ETHE1: variants seen among roughly 807,000 people sequenced by gnomAD.
ETHE1 encodes ETHE1 persulfide dioxygenase.
ETHE1 carries 16 observed loss-of-function variants against 25.7 expected under a neutral mutation model. That is an observed-to-expected ratio of 0.62 (90% CI 0.42 to 0.95). The LOEUF (loss-of-function observed/expected upper bound fraction) is 0.95, where lower values mean the gene tolerates loss of function less well. ETHE1 is among the 40% of genes least tolerant of loss of function. The probability of loss-of-function intolerance (pLI) is 0.00; values close to 1 mark genes in which losing one functional copy is unlikely to be tolerated. For missense variants in ETHE1, 300 were observed against 333.6 expected, an observed-to-expected ratio of 0.90 and a Z score of 0.79; for synonymous variants, 139 against 135.9, an observed-to-expected ratio of 1.02 and a Z score of -0.16.
intron 3 of ETHE1, among the ~76,000 whole-genome samples, chr19:43,518,909 C>T (rs554667110): frequency 5.3e-5 from 8 of 151,098 alleles, no homozygotes; most frequent in Non-Finnish European, 1.2e-4. Flanking sequence ...TCGCATTCCC[C>T]AAAAACATTT....
intron 3 of ETHE1, among the ~76,000 whole-genome samples, chr19:43,521,085 C>A (rs1338512074): frequency 6.6e-6 from 1 of 152,118 alleles, no homozygotes; most frequent in African/African-American, 2.4e-5. Flanking sequence ...GTAATCCCTG[C>A]ATTTTGGGAG....
In ETHE1 at chr19:43,526,686, C is replaced by T. The variant is rs1347241313; in HGVS notation, c.82-27G>A. 2.5e-6 allele frequency: 4 copies of T among 1,612,414 alleles called. No homozygotes were observed. In the East Asian group the frequency reaches 8.9e-5, roughly 36 times the overall value. On this transcript the variant is annotated intron_variant, in intron 1 of 6. Coordinates refer to ENST00000292147, the MANE Select transcript of ETHE1 (RefSeq NM_014297.5). ...TGGGAACGGGGGACCCAGGTGAGGG[C>T]GCAGAACCGGACTTCCACCCACTGG...
intron 3 of ETHE1, among the ~76,000 whole-genome samples, chr19:43,523,261 C>T (rs980468616): frequency 2.0e-5 from 3 of 152,016 alleles, no homozygotes; most frequent in African/African-American, 7.2e-5. Flanking sequence ...ATGTTAACAA[C>T]TCGGTTTTGT....
intron 1 of ETHE1, 110 bp from the exon 2 acceptor site, chr19:43,526,769 C>T: frequency 6.4e-7 from 1 of 1,565,714 alleles, no homozygotes; most frequent in Non-Finnish European, 8.7e-7. Context: ...GCAGAAACCC[C>T]AGCCCACTCT....
Position 43,511,380 on chromosome 19 carries a change from C to T in ETHE1, c.505+57G>A, listed in dbSNP as rs949305046. 19 of 1,612,782 alleles carry T rather than the reference C, an allele frequency of 1.2e-5. No individual in the cohort carries two copies. The Admixed American group carries it at 1.8e-4, about 16-fold the overall frequency. On this transcript the variant is annotated intron_variant, in intron 4 of 6. Transcript: ENST00000292147. Reference sequence around the variant, plus strand: ...TTCATTCTTGTAACAGATACTTCAACACTTGACACACACGTAACTATATGA... The same window carrying T: ...TTCATTCTTGTAACAGATACTTCAATACTTGACACACACGTAACTATATGA...
chr19:43,526,095 G>A, intron 3 of ETHE1, 106 bp downstream of exon 3: 1 of 1,555,682 alleles, frequency 6.4e-7, no homozygotes. Flanking sequence ...AGGTCCTGAG[G>A]TCCCTCCTCC....
At chr19:43,520,276 C>T (rs1297462330) in intron 3 of ETHE1, among the ~76,000 whole-genome samples, 1 of 152,120 alleles carries the variant, frequency 6.6e-6, no homozygotes, top group Non-Finnish European at 1.5e-5. Context: ...GCAAGAGAAT[C>T]GCTTGAACCC....
At chr19:43,508,628 C>A (rs1293713428) in intron 5 of ETHE1, 147 bp downstream of exon 5, 1 of 737,128 alleles carries the variant, frequency 1.4e-6, no homozygotes, top group Non-Finnish European at 2.4e-6. Flanking sequence ...CAAGTGTGAG[C>A]CCCCTTGCCC....
chr19:43,517,266 T>C (rs951325133), intron 3 of ETHE1, among the ~76,000 whole-genome samples: 1 of 147,586 alleles, frequency 6.8e-6, no homozygotes, highest in East Asian at 2.0e-4. Flanking sequence ...TTAGATGAGT[T>C]TGCCCAACTG....
At position 43,520,866 on chromosome 19, in the gene ETHE1, T is replaced by C. The variant is rs377757359; in HGVS notation, c.375+5335A>G. ...GGTGGAGCTTTTAAAACATGCCAAT[T>C]CCTTGTGTCCACCCAGAACAATTAA... On this transcript the variant is annotated intron_variant, in intron 3 of 6. Transcript: ENST00000292147. 4.5e-3 allele frequency among the ~76,000 whole-genome samples: 689 copies of C among 152,182 alleles called. 8 individuals carry two copies. Among genetic ancestry groups the C allele is most frequent in the African/African-American group, 0.015 (631 of 41,520 alleles).
intron 1 of ETHE1, 55 bp downstream of exon 1, chr19:43,527,042 G>C: frequency 6.5e-7 from 1 of 1,542,064 alleles, no homozygotes; most frequent in Non-Finnish European, 8.7e-7. Context: ...CCGGAGTTCC[G>C]TCCTTGCTGC....
At chr19:43,508,918 C>T in intron 4 of ETHE1, 54 bp from the exon 5 acceptor site, 1 of 1,364,024 alleles carries the variant, frequency 7.3e-7, no homozygotes, top group Non-Finnish European at 1.0e-6. Context: ...AGACTCTAAC[C>T]CCTTCCTTCA....
At chr19:43,513,746 G>T (rs1410556229) in intron 3 of ETHE1, among the ~76,000 whole-genome samples, 2 of 147,318 alleles carry the variant, frequency 1.4e-5, no homozygotes, top group Admixed American at 1.4e-4. Context: ...TTTGGAGACA[G>T]AATCTCACTC....
chr19:43,515,754 T>G (rs1182290328), intron 3 of ETHE1, among the ~76,000 whole-genome samples: 1 of 152,158 alleles, frequency 6.6e-6, no homozygotes, highest in Non-Finnish European at 1.5e-5. Flanking sequence ...TTTGTATTTT[T>G]TAGTAGAGAC....
At chr19:43,508,691 C>T in intron 5 of ETHE1, 84 bp downstream of exon 5, 1 of 1,168,476 alleles carries the variant, frequency 8.6e-7, no homozygotes, top group South Asian at 1.3e-5. Flanking sequence ...GACTGGTCGT[C>T]TTCATGCCCT....
chr19:43,512,414 A>T (rs4507015), intron 3 of ETHE1, among the ~76,000 whole-genome samples: 26,418 of 152,150 alleles, frequency 0.17, 2,377 homozygotes, highest in Non-Finnish European at 0.19. Context: ...CATGGAGATG[A>T]GGAACTTTTT....
intron 3 of ETHE1, among the ~76,000 whole-genome samples, chr19:43,518,282 C>G (rs6509093): frequency 0.4 from 60,845 of 150,814 alleles, 12,365 homozygotes; most frequent in South Asian, 0.53. Flanking sequence ...TTTGAGTCAC[C>G]GAGAGGGGAA....
chr19:43,526,533 G>A lies in ETHE1; in HGVS notation c.208C>T (p.Leu70=), dbSNP rs192019064. The A allele has an allele frequency of 1.2e-6, 2 of 1,613,688 alleles. No individual in the cohort carries two copies. Among genetic ancestry groups the A allele is most frequent in the Admixed American group, 1.7e-5 (1 of 59,934 alleles). The change falls in exon 2 of 7, where the codon CTG becomes TTG. Residue 70 remains leucine, a synonymous_variant. Transcript: ENST00000292147. ...GACTGACCAGCATAGAGCAGCCGCA[G>A]CCCCAGCTCCTTGATCAGCTGGGCA... The part of the protein sequence containing the change: ...RDAQLIKELG[L]RLLYAVNTHC...
At position 43,518,996 on chromosome 19, in the gene ETHE1, C is replaced by G. The variant is rs1032995962; in HGVS notation, c.375+7205G>C. Among the ~76,000 whole-genome samples, 328 of 81,092 alleles carry G rather than the reference C, an allele frequency of 4.0e-3. 3 individuals carry two copies. Among genetic ancestry groups the G allele is most frequent in the Non-Finnish European group, 5.6e-3 (234 of 41,970 alleles). 53.2% of individuals were successfully genotyped at this position (81,092 alleles called of 152,430 possible). Reference sequence around the variant, plus strand: ...GCTCTGATGGCTGATGAAATTTGTGCTTGTTTTTTTTTTTTTTTTTTTTTT... The same window carrying G: ...GCTCTGATGGCTGATGAAATTTGTGGTTGTTTTTTTTTTTTTTTTTTTTTT... On this transcript the variant is annotated intron_variant, in intron 3 of 6. Transcript: ENST00000292147.
Sources: gnomAD v4.1 joint callset for allele counts (sites outside exome capture counted in the v4.1 genomes callset) on GRCh38, gnomAD v4.1.1 for gene constraint, MANE v1.5 for transcripts, NCBI Gene and HGNC (gene_info 2026-07-23, HGNC 2026-07-21) for gene names.